The following WWOX variants were observed in gnomAD, a reference collection of about 807,000 sequenced individuals.
The protein encoded by WWOX is WW domain containing oxidoreductase.
Under a neutral mutation model 46.2 loss-of-function variants are expected in WWOX, and 69 were observed. The observed-to-expected ratio is 1.49, with a 90% CI of 1.23 to 1.82. The LOEUF is 1.82. WWOX is among the 40% of genes most tolerant of loss of function. The pLI is 0.00. For synonymous variants in WWOX, 359 were observed against 202.6 expected (o/e 1.77, Z -6.56); for missense variants, 919 against 542.6 (o/e 1.69, Z -6.89).
chr16:78,594,429 G>GCCTCCCCCCCCCCCCCCCC (rs1171391505), intron 8 of WWOX, among the ~76,000 whole-genome samples: 1 of 32,380 alleles, frequency 3.1e-5, no homozygotes, highest in Non-Finnish European at 5.2e-5. Flanking sequence ...CTGAGGAAAG[G>GCCTCCCCCCCCCCCCCCCC]CCCCCCCCCC....
intron 8 of WWOX, among the ~76,000 whole-genome samples, chr16:78,785,549 TTTACAAA>T (rs1188250475): frequency 1.3e-5 from 2 of 152,062 alleles, no homozygotes; most frequent in Non-Finnish European, 2.9e-5. Context: ...TAGCATATAA[TTTACAAA>T]TAAGAAGAAG....
At chr16:78,242,516 C>T (rs1233847287) in intron 5 of WWOX, among the ~76,000 whole-genome samples, 25 of 152,096 alleles carry the variant, frequency 1.6e-4, no homozygotes, top group Admixed American at 1.6e-3. Flanking sequence ...CGTGGTCTGA[C>T]CAAATGTAAC....
At chr16:78,314,705 T>TTG (rs1555517883) in intron 5 of WWOX, among the ~76,000 whole-genome samples, 1 of 67,442 alleles carries the variant, frequency 1.5e-5, no homozygotes, top group African/African-American at 7.0e-5. Context: ...TTTTTTGTTT[T>TTG]TTTTTTTTTT....
chr16:79,092,995 C>T (rs1312685787), intron 8 of WWOX, among the ~76,000 whole-genome samples: 2 of 152,092 alleles, frequency 1.3e-5, no homozygotes, highest in African/African-American at 2.4e-5. Flanking sequence ...CGGTTTTCAC[C>T]ATTATATTCA....
chr16:78,210,904 A>C (rs544005315), intron 5 of WWOX, among the ~76,000 whole-genome samples: 91 of 152,326 alleles, frequency 6.0e-4, no homozygotes, highest in African/African-American at 2.2e-3. Flanking sequence ...AATTTAGTAT[A>C]TTTATAGTTA....
At chr16:78,444,092 C>G (rs1011826285) in intron 8 of WWOX, among the ~76,000 whole-genome samples, 1 of 152,138 alleles carries the variant, frequency 6.6e-6, no homozygotes, top group Admixed American at 6.5e-5. Context: ...TGCTCAGAAT[C>G]GTTTGGAAAC....
chr16:79,159,990 G>T (rs1041666083), intron 8 of WWOX, among the ~76,000 whole-genome samples: 4 of 152,168 alleles, frequency 2.6e-5, no homozygotes, highest in African/African-American at 9.6e-5. Flanking sequence ...GGGATTTGGG[G>T]CTGACTTTGA....
At chr16:78,385,732 C>A (rs371520185) in intron 5 of WWOX, among the ~76,000 whole-genome samples, 5 of 152,176 alleles carry the variant, frequency 3.3e-5, no homozygotes, top group Middle Eastern at 3.2e-3. Flanking sequence ...ATCATGTTAT[C>A]CTCCTTAATC....
chr16:78,914,857 T>C (rs1372983879), intron 8 of WWOX, among the ~76,000 whole-genome samples: 19 of 116,382 alleles, frequency 1.6e-4, no homozygotes, highest in East Asian at 7.4e-4. Context: ...CCCGCCCGGG[T>C]GACAGAGCGA....
chr16:78,352,380 G>A lies in WWOX; in HGVS notation c.517-34480G>A, dbSNP rs550745970. ...GGTCTCAGTGGGCTAAAATCGATGT[G>A]TCAGCAGGACACCATTTCTTTCTGT... is the stretch of plus-strand genomic sequence containing the variant. On this transcript the variant is annotated intron_variant, in intron 5 of 8. Transcript: ENST00000566780. Among the ~76,000 whole-genome samples, 14 of 152,330 alleles carry A rather than the reference G, an allele frequency of 9.2e-5. No individual in the cohort carries two copies. The South Asian group carries it at 2.7e-3, about 29-fold the overall frequency.
intron 5 of WWOX, among the ~76,000 whole-genome samples, chr16:78,276,816 T>G (rs2079587157): frequency 6.6e-6 from 1 of 152,194 alleles, no homozygotes; most frequent in Admixed American, 6.5e-5. Context: ...AGGGAGGCTT[T>G]TATGAACTGG....
chr16:78,851,468 C>G (rs962824196), intron 8 of WWOX, among the ~76,000 whole-genome samples: 3 of 152,170 alleles, frequency 2.0e-5, no homozygotes, highest in Non-Finnish European at 4.4e-5. Flanking sequence ...AGGTCATTGC[C>G]TATATGACTC....
chr16:79,182,810 A>G (rs763090656), intron 8 of WWOX, among the ~76,000 whole-genome samples: 3 of 152,190 alleles, frequency 2.0e-5, no homozygotes, highest in African/African-American at 7.2e-5. Flanking sequence ...CAGAACGAGC[A>G]CTGTGTGTGT....
chr16:78,482,568 A>G (rs2084521020), intron 8 of WWOX, among the ~76,000 whole-genome samples: 1 of 152,206 alleles, frequency 6.6e-6, no homozygotes, highest in Non-Finnish European at 1.5e-5. Context: ...TTTATTGAAT[A>G]CTTACTGGGC....
intron 7 of WWOX, among the ~76,000 whole-genome samples, chr16:78,430,967 T>C (rs1325813280): frequency 6.6e-6 from 1 of 152,220 alleles, no homozygotes; most frequent in Admixed American, 6.5e-5. Flanking sequence ...TTGTTTTCCA[T>C]AGCAGTTATC....
intron 8 of WWOX, among the ~76,000 whole-genome samples, chr16:78,693,714 A>G (rs1409598856): frequency 1.3e-5 from 2 of 152,112 alleles, no homozygotes; most frequent in South Asian, 2.1e-4. Context: ...ATCGCCCTCT[A>G]TTGCACAGGG....
chr16:78,534,715 TTTCA>T (rs1169713740), intron 8 of WWOX, among the ~76,000 whole-genome samples: 2 of 147,930 alleles, frequency 1.4e-5, no homozygotes, highest in Non-Finnish European at 3.0e-5. Context: ...TATTTTTTTA[TTTCA>T]TTTTATTTTT....
chr16:78,842,873 T>C (rs1399108388), intron 8 of WWOX, among the ~76,000 whole-genome samples: 1 of 149,174 alleles, frequency 6.7e-6, no homozygotes, highest in East Asian at 2.0e-4. Context: ...AAAAATAGAA[T>C]ACAAGGGGGG....
intron 8 of WWOX, among the ~76,000 whole-genome samples, chr16:78,444,553 TG>T (rs386792497): frequency 0.064 from 9,235 of 143,602 alleles, 481 homozygotes; most frequent in South Asian, 0.15. Context: ...TTTTTTGAGG[TG>T]GAGTCTCACT....
Sources: allele counts gnomAD v4.1 joint callset (sites outside exome capture counted in the v4.1 genomes callset), GRCh38; gene constraint gnomAD v4.1.1; transcripts MANE v1.5; gene names NCBI Gene and HGNC (gene_info 2026-07-23, HGNC 2026-07-21).